Variants in ADCK5 observed in about 807,000 individuals in gnomAD.
ADCK5 encodes uncharacterized aarF domain-containing protein kinase 5.
ADCK5 carries 43 observed loss-of-function variants against 64.9 expected under a neutral mutation model. That is an observed-to-expected ratio of 0.66 (90% CI 0.52 to 0.85). The LOEUF (loss-of-function observed/expected upper bound fraction) is 0.85. Among genes scored for constraint, ADCK5 ranks in the 40% least tolerant of loss-of-function variants. The pLI is 0.00. For synonymous variants in ADCK5, 434 were observed against 342.8 expected, an observed-to-expected ratio of 1.27 and a Z score of -2.94; for missense variants, 760 against 810.5, an observed-to-expected ratio of 0.94 and a Z score of 0.76.
Position 144,384,460 on chromosome 8 carries a change from G to T in ADCK5, c.266+1230G>T. ...AGACAAAACAGTCGTTCCCCACGTG[G>T]GTCTCCCTGGCATCTGGTTTTGCTT... is the stretch of plus-strand genomic sequence containing the variant. On this transcript the variant is annotated intron_variant, in intron 3 of 14. Coordinates refer to ENST00000308860, the MANE Select transcript of ADCK5 (RefSeq NM_174922.5). The surrounding 1 kb of genome is among the most constrained non-coding windows in gnomAD (Gnocchi z 5.7). Among the ~76,000 whole-genome samples, 1 of 152,292 alleles carries T rather than the reference G, an allele frequency of 6.6e-6. No individual in the cohort carries two copies. Among genetic ancestry groups the T allele is most frequent in the South Asian group, 2.1e-4 (1 of 4,822 alleles).
At position 144,383,237 on chromosome 8, in the gene ADCK5, GGGCCTGGCGGCAGGCAGGGGTTGC is replaced by G; in HGVS notation, c.266+11_266+34del. 1.9e-6 allele frequency: 3 copies of G among 1,562,750 alleles called. No individual in the cohort carries two copies. The highest frequency in any genetic ancestry group is 1.3e-5 in the African/African-American group (1 of 74,206). ...GCATGGGGCGCTTTGGCAGGTAGGA[GGGCCTGGCGGCAGGCAGGGGTTGC>G]GGCGTGGCGGGCGGGGTGTGTGCGG... On this transcript the variant is annotated splice_region_variant and intron_variant, in intron 3 of 14. Transcript: ENST00000308860.
At position 144,392,956 on chromosome 8, in the gene ADCK5, C is replaced by T; in HGVS notation, c.1638-13C>T. 1 of 1,586,530 alleles carries T rather than the reference C, an allele frequency of 6.3e-7. No homozygotes were observed. Among genetic ancestry groups the T allele is most frequent in the Non-Finnish European group, 8.6e-7 (1 of 1,169,064 alleles). On this transcript the variant is annotated splice_polypyrimidine_tract_variant and intron_variant, in intron 14 of 14. Transcript: ENST00000308860. ...TCCCCACCCACCTGTGACCTGTGAC[C>T]TGACCCACGCAGGCTGGAGACCTTG...
At chr8:144,381,242 C>A (rs1367706653) in intron 2 of ADCK5, among the ~76,000 whole-genome samples, 2 of 85,796 alleles carry the variant, frequency 2.3e-5, no homozygotes, top group Non-Finnish European at 2.4e-5. Context: ...AGGCACCTGC[C>A]GCACTCAGGA....
chr8:144,392,430 T>TCCC lies in ADCK5; in HGVS notation c.1268-14_1268-12dup. 8.4e-6 allele frequency: 2 copies of TCCC among 237,560 alleles called. No homozygotes were observed. The highest frequency in any genetic ancestry group is 3.5e-5 in the South Asian group (1 of 28,922). 14.7% of individuals were successfully genotyped at this position (237,560 alleles called of 1,614,324 possible). ...ACTCAGAGCCCCCTCCCTCCCTCCC[T>TCCC]CCCTCCCTCCCCAGACTACCTCCTG... is the stretch of plus-strand genomic sequence containing the variant. On this transcript the variant is annotated splice_polypyrimidine_tract_variant and intron_variant, in intron 12 of 14. Coordinates refer to ENST00000308860, the MANE Select transcript of ADCK5 (RefSeq NM_174922.5).
intron 3 of ADCK5, among the ~76,000 whole-genome samples, chr8:144,387,309 G>A (rs1819967663): frequency 6.6e-6 from 1 of 152,190 alleles, no homozygotes; most frequent in South Asian, 2.1e-4. Flanking sequence ...CATGATTTCG[G>A]TTTCCCCCAT....
At chr8:144,388,828 G>A (rs1820066695) in intron 3 of ADCK5, among the ~76,000 whole-genome samples, 1 of 152,208 alleles carries the variant, frequency 6.6e-6, no homozygotes, top group Non-Finnish European at 1.5e-5. Flanking sequence ...ATGCTCTACG[G>A]GGGCCAGAGT....
rs182525584 is a variant in ADCK5, at chr8:144,376,502, A to C, written c.12+2395A>C. Reference sequence around the variant, plus strand: ...TGTCCTGGATAAGAATGGGAGTGAGAGACGCAGCTGGAGCCCCTTCTGCAA... The same window carrying C: ...TGTCCTGGATAAGAATGGGAGTGAGCGACGCAGCTGGAGCCCCTTCTGCAA... On this transcript the variant is annotated intron_variant, in intron 1 of 14. Transcript: ENST00000308860. The surrounding 1 kb of genome is among the most constrained non-coding windows in gnomAD (Gnocchi z 5.1). Among the ~76,000 whole-genome samples the C allele has an allele frequency of 6.6e-6, 1 of 152,308 alleles. No individual in the cohort carries two copies. The highest frequency in any genetic ancestry group is 1.5e-5 in the Non-Finnish European group (1 of 68,020).
At position 144,393,113 on chromosome 8, in the gene ADCK5, TGGGCTGACGGAGGTGGCG is replaced by T. The variant is rs1564680418; in HGVS notation, c.*45_*62del. ...AGGGCCGGCGGGGCCCTTTTCACCT[TGGGCTGACGGAGGTGGCG>T]GGGCTAGAGGTGTAGACACCCCGAG... On this transcript the variant is annotated 3_prime_UTR_variant, in exon 15 of 15. Transcript: ENST00000308860. The T allele has an allele frequency of 2.0e-6, 3 of 1,491,652 alleles. No homozygotes were observed. The African/African-American group carries it at 4.2e-5, about 21-fold the overall frequency. The allele number at this position is 1,491,652 out of a possible 1,614,324, so 92.4% of individuals were successfully genotyped here.
In ADCK5 at chr8:144,391,427, C is replaced by T; in HGVS notation, c.751C>T (p.Leu251Phe). The change falls in exon 7 of 15, where the codon CTC becomes TTC. Residue 251 changes from leucine (L) to phenylalanine (F), a missense_variant. Transcript: ENST00000308860. ...CCACACCCTGGAGCTCCTGCTGCGG[C>T]TCGTTGAGGTCATGCACCCCAGCTT... Reference protein sequence around the residue: ...DIHTLELLLRLVEVMHPSFGF... With the variant: ...DIHTLELLLRFVEVMHPSFGF... 6.2e-7 allele frequency: 1 copy of T among 1,612,844 alleles called. No individual in the cohort carries two copies. Among genetic ancestry groups the T allele is most frequent in the Non-Finnish European group, 8.5e-7 (1 of 1,179,966 alleles).
intron 3 of ADCK5, chr8:144,389,434 A>T (rs999077815): frequency 2.2e-6 from 1 of 448,998 alleles, no homozygotes; most frequent in Non-Finnish European, 4.5e-6. Flanking sequence ...ATCTCTCCAG[A>T]GGATGCCACC....
At position 144,383,252 on chromosome 8, in the gene ADCK5, C is replaced by T. The variant is rs375623827; in HGVS notation, c.266+22C>T. ...GCAGGTAGGAGGGCCTGGCGGCAGG[C>T]AGGGGTTGCGGCGTGGCGGGCGGGG... On this transcript the variant is annotated intron_variant, in intron 3 of 14. Coordinates refer to ENST00000308860, the MANE Select transcript of ADCK5 (RefSeq NM_174922.5). The T allele has an allele frequency of 3.2e-6, 5 of 1,549,264 alleles. No homozygotes were observed. The African/African-American group carries it at 6.8e-5, about 21-fold the overall frequency.
chr8:144,390,940 G>T lies in ADCK5; in HGVS notation c.427G>T (p.Gly143Cys). ...GGTGGCAGGGGCCATCAGCAACGGG[G>T]GCCTCTACGTGAAGCTGGGCCAGGG... ...ALVAGAISNG[G>C]LYVKLGQGLC... The change falls in exon 5 of 15, where the codon GGC becomes TGC. Residue 143 changes from glycine (G) to cysteine (C), a missense_variant. This residue lies in a region of ADCK5 where 427 missense variants were observed against 518.4 expected (regional missense o/e 0.82). Coordinates refer to ENST00000308860, the MANE Select transcript of ADCK5 (RefSeq NM_174922.5). The T allele has an allele frequency of 6.2e-7, 1 of 1,612,970 alleles. No homozygotes were observed. Among genetic ancestry groups the T allele is most frequent in the Non-Finnish European group, 8.5e-7 (1 of 1,179,960 alleles).
chr8:144,381,149 G>A (rs1252312144), intron 2 of ADCK5, among the ~76,000 whole-genome samples: 1 of 86,998 alleles, frequency 1.1e-5, no homozygotes, highest in Admixed American at 1.1e-4. Flanking sequence ...TAAGGATTAT[G>A]GGCCGGGTGT....
At chr8:144,381,453 C>A (rs1160359726) in intron 2 of ADCK5, among the ~76,000 whole-genome samples, 1 of 125,524 alleles carries the variant, frequency 8.0e-6, no homozygotes, top group Non-Finnish European at 1.6e-5. Context: ...TGCTCAGGCA[C>A]CTGCCGCACT....
Position 144,393,116 on chromosome 8 carries a change from G to C in ADCK5, c.*42G>C, listed in dbSNP as rs782798899. 18 of 1,487,944 alleles carry C rather than the reference G, an allele frequency of 1.2e-5. No homozygotes were observed. The Admixed American group carries it at 3.3e-4, about 27-fold the overall frequency. 92.2% of individuals were successfully genotyped at this position (1,487,944 alleles called of 1,614,324 possible). A position where few individuals can be genotyped will look rare whatever the true frequency, so the allele number is the denominator to read the frequency against. ...GCCGGCGGGGCCCTTTTCACCTTGGGCTGACGGAGGTGGCGGGGCTAGAGG... is the reference window on the plus strand; with the variant it reads ...GCCGGCGGGGCCCTTTTCACCTTGGCCTGACGGAGGTGGCGGGGCTAGAGG... On this transcript the variant is annotated 3_prime_UTR_variant, in exon 15 of 15. Coordinates refer to ENST00000308860, the MANE Select transcript of ADCK5 (RefSeq NM_174922.5).
At chr8:144,381,320 G>A (rs1168251078) in intron 2 of ADCK5, among the ~76,000 whole-genome samples, 1 of 149,314 alleles carries the variant, frequency 6.7e-6, no homozygotes, top group African/African-American at 2.5e-5. Context: ...TGGGCCGGGT[G>A]TAGAAACAGA....
intron 2 of ADCK5, among the ~76,000 whole-genome samples, chr8:144,379,746 A>G (rs1554857787): frequency 4.6e-5 from 7 of 152,208 alleles, no homozygotes; most frequent in African/African-American, 9.6e-5. Context: ...AAGGGTGCAC[A>G]TGGAGCGCCT....
intron 3 of ADCK5, 47 bp downstream of exon 3, chr8:144,383,277 G>T (rs1434411198): frequency 2.7e-6 from 4 of 1,508,676 alleles, no homozygotes; most frequent in African/African-American, 2.7e-5. Context: ...GGCGGGCGGG[G>T]TGTGTGCGGT....
chr8:144,378,027 T>A (rs1819442763), intron 1 of ADCK5, among the ~76,000 whole-genome samples: 1 of 152,350 alleles, frequency 6.6e-6, no homozygotes, highest in Admixed American at 6.5e-5. Flanking sequence ...TGATGCCATC[T>A]CTTCCTGCAG....
Sources: allele counts gnomAD v4.1 joint callset (sites outside exome capture counted in the v4.1 genomes callset), GRCh38; gene constraint gnomAD v4.1.1; regional missense constraint gnomAD v4.1.1; non-coding constraint Gnocchi (gnomAD v3.1); transcripts MANE v1.5; gene names NCBI Gene and HGNC (gene_info 2026-07-23, HGNC 2026-07-21).